Variants in CD300LG observed in about 807,000 individuals in gnomAD.
CD300LG encodes CMRF35-like molecule 9.
Under a neutral mutation model 31.5 loss-of-function variants are expected in CD300LG, and 29 were observed. That is an observed-to-expected ratio of 0.92 (90% confidence interval 0.68 to 1.25). The LOEUF is 1.25. Among genes scored for constraint, CD300LG ranks in the 50% most tolerant of loss-of-function variants. The probability of loss-of-function intolerance (pLI) is 0.00; values close to 1 mark genes in which losing one functional copy is unlikely to be tolerated. For synonymous variants in CD300LG, 175 were observed against 177.2 expected, an observed-to-expected ratio of 0.99 and a Z score of 0.10; for missense variants, 396 against 417.6, an observed-to-expected ratio of 0.95 and a Z score of 0.45.
chr17:43,847,958 C>T (rs919412025), intron 1 of CD300LG, among the ~76,000 whole-genome samples: 1 of 152,020 alleles, frequency 6.6e-6, no homozygotes, highest in Non-Finnish European at 1.5e-5. Context: ...AAAAACAAAA[C>T]AAAACCAGGC....
In CD300LG at chr17:43,855,270, C is replaced by CT. The variant is rs1222469746; in HGVS notation, c.783_784insT (p.Ala262CysfsTer47). On this transcript the variant is annotated frameshift_variant, in exon 5 of 7. Coordinates refer to ENST00000317310, the MANE Select transcript of CD300LG (RefSeq NM_145273.4). LOFTEE classifies it high-confidence loss of function. ...TGGTGCTGCTGAGCCTTCTGTCAGCCGCAGGCCTGATCGCCTTCTGCAGCC... is the reference window on the plus strand; with the variant it reads ...TGGTGCTGCTGAGCCTTCTGTCAGCCTGCAGGCCTGATCGCCTTCTGCAGCC... The CT allele has an allele frequency of 1.1e-5, 18 of 1,607,966 alleles. No homozygotes were observed. The highest frequency in any genetic ancestry group is 1.4e-5 in the Non-Finnish European group (16 of 1,178,154).
chr17:43,853,695 C>A lies in CD300LG; in HGVS notation c.482-112C>A, dbSNP rs2046424969. The A allele has an allele frequency of 3.6e-6, 3 of 829,356 alleles. No individual in the cohort carries two copies. The South Asian group carries it at 5.0e-5, about 14-fold the overall frequency. 51.4% of individuals were successfully genotyped at this position (829,356 alleles called of 1,614,324 possible). ...GGGGTATCCTTTAGCTGGGGATGTTCCGAGAAACGGGTCCCAGGGAGGCTA... is the reference window on the plus strand; with the variant it reads ...GGGGTATCCTTTAGCTGGGGATGTTACGAGAAACGGGTCCCAGGGAGGCTA... On this transcript the variant is annotated intron_variant, in intron 3 of 6. Transcript: ENST00000317310.
chr17:43,850,433 CTTTTT>C (rs1309853525), intron 2 of CD300LG, among the ~76,000 whole-genome samples: 1 of 151,326 alleles, frequency 6.6e-6, no homozygotes, highest in Non-Finnish European at 1.5e-5. Flanking sequence ...CATTTCTTTT[CTTTTT>C]ATTTATTTAT....
intron 4 of CD300LG, among the ~76,000 whole-genome samples, chr17:43,854,495 C>G (rs2046455360): frequency 6.6e-6 from 1 of 152,220 alleles, no homozygotes; most frequent in Non-Finnish European, 1.5e-5. Flanking sequence ...CTGGCAGGTT[C>G]AGGCCCTGCT....
Position 43,857,145 on chromosome 17 carries a change from C to A in CD300LG, c.874C>A (p.Leu292Ile). The change falls in exon 6 of 7, where the codon CTC becomes ATC. Residue 292 changes from leucine to isoleucine, a missense_variant. Leu to Ile is a conservative substitution (Grantham distance 5). Coordinates refer to ENST00000317310, the MANE Select transcript of CD300LG (RefSeq NM_145273.4). ...GACACAGAGGAACGAGAAGTTCTGC[C>A]TCTCACGCTTGGTAAGGACAGAGGC... ...TETQRNEKFCLSRLTAEEKEA... is the reference protein window; with the variant it reads ...TETQRNEKFCISRLTAEEKEA... 1 of 1,614,186 alleles carries A rather than the reference C, an allele frequency of 6.2e-7. No homozygotes were observed. Among genetic ancestry groups the A allele is most frequent in the Non-Finnish European group, 8.5e-7 (1 of 1,180,030 alleles).
intron 6 of CD300LG, among the ~76,000 whole-genome samples, chr17:43,861,559 A>T (rs1038040490): frequency 2.7e-5 from 4 of 150,038 alleles, no homozygotes; most frequent in Admixed American, 6.6e-5. Context: ...CTGCGCCAGA[A>T]CCCAGCCTGG....
intron 4 of CD300LG, 21 bp from the exon 5 acceptor site, chr17:43,855,186 C>T: frequency 6.4e-7 from 1 of 1,550,696 alleles, no homozygotes; most frequent in Non-Finnish European, 8.8e-7. Flanking sequence ...AGCCACTAGG[C>T]TCCTTGCGTC....
chr17:43,848,579 C>G lies in CD300LG; in HGVS notation c.65C>G (p.Pro22Arg). The change falls in exon 2 of 7, where the codon CCA becomes CGA. Residue 22 changes from proline to arginine, a missense_variant. Pro to Arg is a moderately radical substitution (Grantham distance 103). Coordinates refer to ENST00000317310, the MANE Select transcript of CD300LG (RefSeq NM_145273.4). ...LLPGYEALEGPEEISGFEGDT... is the reference protein window; with the variant it reads ...LLPGYEALEGREEISGFEGDT... ...TTAGGTTATGAAGCCCTGGAGGGCC[C>G]AGAGGAAATCAGCGGGTTCGAAGGG... 1 of 1,613,976 alleles carries G rather than the reference C, an allele frequency of 6.2e-7. No homozygotes were observed. The highest frequency in any genetic ancestry group is 1.1e-5 in the South Asian group (1 of 91,070).
At chr17:43,851,133 C>CAAAAAAA (rs777282117) in intron 2 of CD300LG, among the ~76,000 whole-genome samples, 5 of 40,538 alleles carry the variant, frequency 1.2e-4, no homozygotes, top group South Asian at 9.0e-4. Context: ...GACTCAGTCT[C>CAAAAAAA]AAAAAAAAAA....
At chr17:43,853,715 A>T in intron 3 of CD300LG, 92 bp from the exon 4 acceptor site, 1 of 997,518 alleles carries the variant, frequency 1.0e-6, no homozygotes, top group African/African-American at 1.6e-5. Flanking sequence ...GGTCCCAGGG[A>T]GGCTAGGGTT....
Position 43,855,723 on chromosome 17 carries a change from C to T in CD300LG, c.832+404C>T, listed in dbSNP as rs73985465. ...CACTGGGTCTCTAGAGCTGCTCAGCCCCTTCCATAGGCTGGGGCTCAAATC... is the reference window on the plus strand; with the variant it reads ...CACTGGGTCTCTAGAGCTGCTCAGCTCCTTCCATAGGCTGGGGCTCAAATC... On this transcript the variant is annotated intron_variant, in intron 5 of 6. Coordinates refer to ENST00000317310, the MANE Select transcript of CD300LG (RefSeq NM_145273.4). 7.2e-3 allele frequency: 1,118 copies of T among 155,684 alleles called. 16 individuals are homozygous for T. The highest frequency in any genetic ancestry group is 0.025 in the African/African-American group (1,055 of 41,710). 9.6% of individuals were successfully genotyped at this position (155,684 alleles called of 1,614,324 possible).
At chr17:43,861,127 G>C (rs1454004437) in intron 6 of CD300LG, 1 of 985,238 alleles carries the variant, frequency 1.0e-6, no homozygotes, top group Non-Finnish European at 1.2e-6. Flanking sequence ...CCAAGTCTCT[G>C]TTACAGCCAC....
At chr17:43,860,538 C>T (rs761295216) in intron 6 of CD300LG, among the ~76,000 whole-genome samples, 6 of 152,304 alleles carry the variant, frequency 3.9e-5, no homozygotes, top group Non-Finnish European at 5.9e-5. Flanking sequence ...ACGGGCCTGG[C>T]GTTCCTGATC....
At chr17:43,849,120 G>T in intron 2 of CD300LG, 2 of 598,782 alleles carry the variant, frequency 3.3e-6, no homozygotes, top group Non-Finnish European at 5.9e-6. Context: ...TGTCAGAGCA[G>T]GACCGGACCC....
intron 2 of CD300LG, 120 bp from the exon 3 acceptor site, chr17:43,852,792 C>A (rs191292427): frequency 4.3e-6 from 3 of 694,646 alleles, no homozygotes; most frequent in African/African-American, 3.7e-5. Context: ...TTGGCCGAGG[C>A]GAAAGATGGC....
intron 2 of CD300LG, among the ~76,000 whole-genome samples, chr17:43,850,452 T>TTC (rs1567847904): frequency 1.3e-3 from 200 of 151,442 alleles, no homozygotes; most frequent in African/African-American, 4.5e-3. Flanking sequence ...TATTTATTTT[T>TTC]ATTCATTCAT....
At chr17:43,860,041 C>T (rs2046620616) in intron 6 of CD300LG, among the ~76,000 whole-genome samples, 1 of 152,198 alleles carries the variant, frequency 6.6e-6, no homozygotes, top group African/African-American at 2.4e-5. Context: ...CAGGCTTCAT[C>T]TTAGCATTTC....
At chr17:43,849,204 G>A in intron 2 of CD300LG, 1 of 518,422 alleles carries the variant, frequency 1.9e-6, no homozygotes, top group Non-Finnish European at 3.4e-6. Context: ...CCATAGGCTG[G>A]GTACAAGATA....
At chr17:43,861,520 T>A (rs2046652884) in intron 6 of CD300LG, among the ~76,000 whole-genome samples, 1 of 151,862 alleles carries the variant, frequency 6.6e-6, no homozygotes, top group Non-Finnish European at 1.5e-5. Flanking sequence ...CTGACAGTGC[T>A]GTGGGCTGCA....
Sources: gnomAD v4.1 joint callset for allele counts (sites outside exome capture counted in the v4.1 genomes callset) on GRCh38, gnomAD v4.1.1 for gene constraint, MANE v1.5 for transcripts, NCBI Gene and HGNC (gene_info 2026-07-23, HGNC 2026-07-21) for gene names.